DLG2: variants seen among roughly 807,000 people sequenced by gnomAD.
DLG2 encodes the protein discs large MAGUK scaffold protein 2, also known as disks large homolog 2.
Under a neutral mutation model 132.5 loss-of-function variants are expected in DLG2, and 45 were observed. The ratio of observed to expected loss-of-function variants is 0.34; its 90% confidence interval spans 0.27 to 0.44. The LOEUF is 0.44. Among genes scored for constraint, DLG2 ranks in the 20% least tolerant of loss-of-function variants. The pLI, the probability that DLG2 is intolerant of heterozygous loss-of-function variation, is 1.00. For synonymous variants in DLG2, 424 were observed against 419.6 expected, an observed-to-expected ratio of 1.01 and a Z score of -0.13; for missense variants, 1,045 against 1,196.9, an observed-to-expected ratio of 0.87 and a Z score of 1.87.
chr11:83,826,039 T>C (rs7946494), intron 17 of DLG2, among the ~76,000 whole-genome samples: 110,298 of 152,058 alleles, frequency 0.73, 41,401 homozygotes, highest in African/African-American at 0.92. Context: ...CTCTGCAAAA[T>C]TCTGTGGGCT....
chr11:84,722,978 A>G (rs1452275344), intron 6 of DLG2, among the ~76,000 whole-genome samples: 1 of 152,188 alleles, frequency 6.6e-6, no homozygotes, highest in Non-Finnish European at 1.5e-5. Flanking sequence ...TTCTGTGAAA[A>G]TTTAAAGTCA....
intron 3 of DLG2, among the ~76,000 whole-genome samples, chr11:85,423,078 G>A (rs948053653): frequency 1.3e-5 from 2 of 152,158 alleles, no homozygotes; most frequent in South Asian, 2.1e-4. Context: ...GGCTGTGTCA[G>A]AGGGAAGGTC....
intron 6 of DLG2, among the ~76,000 whole-genome samples, chr11:84,821,691 A>AT (rs375390230): frequency 7.3e-5 from 11 of 151,358 alleles, no homozygotes; most frequent in Middle Eastern, 3.4e-3. Flanking sequence ...ACTTCTAGTC[A>AT]TTTTTTGTTG....
chr11:84,731,856 G>T (rs2063195236), intron 6 of DLG2, among the ~76,000 whole-genome samples: 1 of 151,972 alleles, frequency 6.6e-6, no homozygotes, highest in Admixed American at 6.6e-5. Flanking sequence ...CTGTGAAACT[G>T]TCAACATAAT....
intron 4 of DLG2, among the ~76,000 whole-genome samples, chr11:85,178,219 A>G (rs1191101153): frequency 1.3e-5 from 2 of 152,086 alleles, no homozygotes; most frequent in Admixed American, 1.3e-4. Context: ...ACAAAAGAAT[A>G]TACTTGGTTT....
intron 3 of DLG2, among the ~76,000 whole-genome samples, chr11:85,305,357 C>G (rs751074587): frequency 6.6e-6 from 1 of 152,286 alleles, no homozygotes; most frequent in East Asian, 1.9e-4. Flanking sequence ...GTTCTCTTTA[C>G]CATAGCCTGT....
intron 3 of DLG2, among the ~76,000 whole-genome samples, chr11:85,567,542 TC>T (rs1185981272): frequency 5.3e-5 from 8 of 152,206 alleles, no homozygotes; most frequent in Admixed American, 4.6e-4. Context: ...TTTTGTAGAT[TC>T]TTTAGAGTTT....
chr11:84,384,471 C>T (rs2098760842), intron 7 of DLG2, among the ~76,000 whole-genome samples: 1 of 151,906 alleles, frequency 6.6e-6, no homozygotes, highest in Non-Finnish European at 1.5e-5. Flanking sequence ...AATTAAGCTG[C>T]CCTAGAGATG....
intron 6 of DLG2, among the ~76,000 whole-genome samples, chr11:84,689,973 C>A (rs2057827705): frequency 6.6e-6 from 1 of 151,780 alleles, no homozygotes; most frequent in Non-Finnish European, 1.5e-5. Flanking sequence ...CATGGGTGAA[C>A]CTGGAGGACA....
chr11:85,299,789 C>T (rs1251806701), intron 3 of DLG2, among the ~76,000 whole-genome samples: 1 of 152,036 alleles, frequency 6.6e-6, no homozygotes, highest in East Asian at 1.9e-4. Context: ...TAATAAATTC[C>T]CATGCGATGC....
At chr11:85,165,401 CT>C (rs2152482714) in intron 4 of DLG2, among the ~76,000 whole-genome samples, 1 of 152,202 alleles carries the variant, frequency 6.6e-6, no homozygotes, top group East Asian at 1.9e-4. Flanking sequence ...CATAATCAAA[CT>C]GACCTTTAAA....
intron 10 of DLG2, among the ~76,000 whole-genome samples, chr11:84,078,946 T>C (rs928984554): frequency 6.6e-6 from 1 of 152,194 alleles, no homozygotes; most frequent in Non-Finnish European, 1.5e-5. Context: ...ATTCAACATA[T>C]TTTCCAACTT....
chr11:83,971,677 T>C (rs951283469), intron 12 of DLG2, among the ~76,000 whole-genome samples: 2 of 152,094 alleles, frequency 1.3e-5, no homozygotes, highest in East Asian at 3.9e-4. Context: ...CTAGAATCAT[T>C]GGTAAGAAAA....
chr11:85,141,491 T>C (rs563335639), intron 5 of DLG2, among the ~76,000 whole-genome samples: 3 of 151,836 alleles, frequency 2.0e-5, no homozygotes, highest in African/African-American at 7.2e-5. Flanking sequence ...TGAAAATATT[T>C]CCTCCCATTG....
At chr11:84,495,806 A>C (rs1302893107) in intron 7 of DLG2, among the ~76,000 whole-genome samples, 2 of 152,188 alleles carry the variant, frequency 1.3e-5, no homozygotes, top group Admixed American at 6.5e-5. Flanking sequence ...TTGCTCACTG[A>C]AGCAAATGTG....
chr11:84,714,598 T>TCTTTCTCTTTCTCTTTCTC (rs59245096), intron 6 of DLG2, among the ~76,000 whole-genome samples: 1 of 109,222 alleles, frequency 9.2e-6, no homozygotes, highest in Non-Finnish European at 1.9e-5. Context: ...TTTCTCTTTC[T>TCTTTCTCTTTCTCTTTCTC]TTCTCTTTCT....
At chr11:84,342,564 C>G (rs1368760030) in intron 7 of DLG2, among the ~76,000 whole-genome samples, 2 of 152,152 alleles carry the variant, frequency 1.3e-5, no homozygotes, top group Admixed American at 6.5e-5. Context: ...AAAGCCTTTA[C>G]TGCCTTGGGG....
intron 6 of DLG2, among the ~76,000 whole-genome samples, chr11:84,754,868 A>T (rs1487826724): frequency 1.3e-5 from 2 of 152,160 alleles, no homozygotes; most frequent in Non-Finnish European, 2.9e-5. Context: ...TTAGTATAGG[A>T]AACTATGCAT....
chr11:84,086,853 A>G (rs1212486590), intron 10 of DLG2, among the ~76,000 whole-genome samples: 1 of 152,040 alleles, frequency 6.6e-6, no homozygotes, highest in Non-Finnish European at 1.5e-5. Context: ...GCAACCACTA[A>G]TCTACCTTCT....
Sources: gnomAD v4.1 joint callset for allele counts (sites outside exome capture counted in the v4.1 genomes callset) on GRCh38, gnomAD v4.1.1 for gene constraint, MANE v1.5 for transcripts, NCBI Gene and HGNC (gene_info 2026-07-23, HGNC 2026-07-21) for gene names.